The following NFILZ variants were observed in gnomAD, a reference collection of about 807,000 sequenced individuals.
The protein encoded by NFILZ is NFIL3 like basic leucine zipper.
chr19:8,667,629 C>A (rs2043068271), intron 3 of NFILZ, among the ~76,000 whole-genome samples: 1 of 152,062 alleles, frequency 6.6e-6, no homozygotes, highest in South Asian at 2.1e-4. Context: ...CTCACTGCAA[C>A]CTCCGCCTCT....
chr19:8,648,899 A>C (rs1230336826), intron 3 of NFILZ, among the ~76,000 whole-genome samples: 1 of 151,268 alleles, frequency 6.6e-6, no homozygotes, highest in East Asian at 1.9e-4. Context: ...TTGTGATTTC[A>C]GGAAGCCCCT....
intron 3 of NFILZ, among the ~76,000 whole-genome samples, chr19:8,652,219 C>A (rs1401787582): frequency 6.6e-6 from 1 of 151,940 alleles, no homozygotes; most frequent in Non-Finnish European, 1.5e-5. Flanking sequence ...TCTCCTGCCT[C>A]AGGCTCCAGA....
rs2967673 is a variant in NFILZ, at chr19:8,678,537, A to C, written c.*902A>C. On this transcript the variant is annotated 3_prime_UTR_variant, in exon 6 of 6. Transcript: ENST00000691075. Reference sequence around the variant, plus strand: ...CTATCCATTCATCCATTCATACATCAATTTATTCTCCATCCATCCATCCAT... The same window carrying C: ...CTATCCATTCATCCATTCATACATCCATTTATTCTCCATCCATCCATCCAT... Among the ~76,000 whole-genome samples, 28,701 of 143,678 alleles carry C rather than the reference A, an allele frequency of 0.2. 2,903 individuals are homozygous for C. Among genetic ancestry groups the C allele is most frequent in the Admixed American group, 0.25 (3,615 of 14,354 alleles). 94.3% of individuals were successfully genotyped at this position (143,678 alleles called of 152,430 possible). A position where few individuals can be genotyped will look rare whatever the true frequency, so the allele number is the denominator to read the frequency against.
intron 3 of NFILZ, among the ~76,000 whole-genome samples, chr19:8,666,045 C>A (rs1568423869): frequency 6.8e-6 from 1 of 146,450 alleles, no homozygotes; most frequent in African/African-American, 2.5e-5. Flanking sequence ...TTTTTCTCAC[C>A]TTTTTTTTTT....
At chr19:8,653,048 C>T (rs1480822045) in intron 3 of NFILZ, among the ~76,000 whole-genome samples, 3,652 of 84,676 alleles carry the variant, frequency 0.043, 116 homozygotes, top group East Asian at 0.054. Context: ...TTCTCTCTCT[C>T]TCTCTCTCTC....
intron 3 of NFILZ, among the ~76,000 whole-genome samples, chr19:8,654,041 C>A (rs2042980997): frequency 6.6e-6 from 1 of 152,028 alleles, no homozygotes; most frequent in East Asian, 1.9e-4. Flanking sequence ...ACCAGCCTGG[C>A]CAGCATGGTG....
chr19:8,662,344 G>C (rs781854679), intron 3 of NFILZ, among the ~76,000 whole-genome samples: 1 of 152,086 alleles, frequency 6.6e-6, no homozygotes, highest in African/African-American at 2.4e-5. Context: ...TAGGCTGGGG[G>C]TCAGGGGAGG....
At chr19:8,651,460 C>A (rs1055548970) in intron 3 of NFILZ, among the ~76,000 whole-genome samples, 5 of 152,110 alleles carry the variant, frequency 3.3e-5, no homozygotes, top group South Asian at 2.1e-4. Context: ...CTGCGCCCGA[C>A]CTTCAATAAG....
At chr19:8,667,082 C>T (rs893485309) in intron 3 of NFILZ, among the ~76,000 whole-genome samples, 1 of 152,048 alleles carries the variant, frequency 6.6e-6, no homozygotes, top group Non-Finnish European at 1.5e-5. Context: ...CTGTCCCACC[C>T]TGCCCTGTCA....
intron 3 of NFILZ, among the ~76,000 whole-genome samples, chr19:8,640,716 G>A (rs138341761): frequency 1.6e-4 from 25 of 152,302 alleles, no homozygotes; most frequent in African/African-American, 6.0e-4. Flanking sequence ...AGAATATGTT[G>A]TGGACTCTTC....
chr19:8,660,029 G>A (rs961430650), intron 3 of NFILZ, among the ~76,000 whole-genome samples: 22 of 152,096 alleles, frequency 1.4e-4, no homozygotes, highest in African/African-American at 5.1e-4. Context: ...CTACAACACC[G>A]GCCACTGCCC....
intron 3 of NFILZ, among the ~76,000 whole-genome samples, chr19:8,666,045 C>G (rs1568423869): frequency 6.8e-6 from 1 of 146,450 alleles, no homozygotes; most frequent in Non-Finnish European, 1.5e-5. Flanking sequence ...TTTTTCTCAC[C>G]TTTTTTTTTT....
intron 3 of NFILZ, among the ~76,000 whole-genome samples, chr19:8,669,572 C>T (rs1179193336): frequency 2.0e-5 from 3 of 152,142 alleles, no homozygotes; most frequent in Admixed American, 6.5e-5. Flanking sequence ...CCCTTTTGTT[C>T]CTCTGTGGAA....
intron 3 of NFILZ, among the ~76,000 whole-genome samples, 122 bp from the exon 4 acceptor site, chr19:8,674,429 A>G (rs140522396): frequency 1.3e-5 from 2 of 152,182 alleles, no homozygotes; most frequent in African/African-American, 4.8e-5. Flanking sequence ...AACCTGGCAC[A>G]GTGAATGAAT....
chr19:8,631,244 T>G (rs1403820596), intron 1 of NFILZ, among the ~76,000 whole-genome samples: 7 of 152,134 alleles, frequency 4.6e-5, no homozygotes, highest in African/African-American at 1.7e-4. Context: ...CCTCCCTCTC[T>G]GCTTTCCCTT....
chr19:8,669,355 G>C (rs1453104832), intron 3 of NFILZ, among the ~76,000 whole-genome samples: 2 of 152,194 alleles, frequency 1.3e-5, no homozygotes, highest in Non-Finnish European at 2.9e-5. Flanking sequence ...TACAACCAAT[G>C]AGGTAGGTAC....
intron 4 of NFILZ, among the ~76,000 whole-genome samples, 133 bp from the exon 5 acceptor site, chr19:8,676,226 G>C (rs964818921): frequency 6.6e-6 from 1 of 152,146 alleles, no homozygotes; most frequent in East Asian, 1.9e-4. Flanking sequence ...TGGAAGGGCA[G>C]GTAAAAAATT....
intron 3 of NFILZ, among the ~76,000 whole-genome samples, chr19:8,649,423 G>A (rs1314244863): frequency 3.3e-5 from 5 of 151,730 alleles, no homozygotes; most frequent in Admixed American, 6.6e-5. Flanking sequence ...ATGCCATCAC[G>A]CCTAGCTAAT....
In NFILZ at chr19:8,663,750, G is replaced by A. The variant is rs1325290325; in HGVS notation, c.-163-10801G>A. Among the ~76,000 whole-genome samples the A allele has an allele frequency of 9.5e-3, 1,296 of 136,404 alleles. 3 individuals carry two copies. The highest frequency in any genetic ancestry group is 0.02 in the South Asian group (85 of 4,214). 89.5% of individuals were successfully genotyped at this position (136,404 alleles called of 152,430 possible). A position where few individuals can be genotyped will look rare whatever the true frequency, so the allele number is the denominator to read the frequency against. On this transcript the variant is annotated intron_variant, in intron 3 of 5. Coordinates refer to ENST00000691075, the MANE Select transcript of NFILZ (RefSeq NM_001378600.1). ...TGTGTGTGTGTGTGTGTGTGTGTGTGTGTGTGTGTGTGTGTGTGTGTATGT... is the reference window on the plus strand; with the variant it reads ...TGTGTGTGTGTGTGTGTGTGTGTGTATGTGTGTGTGTGTGTGTGTGTATGT...
Sources: gnomAD v4.1 joint callset for allele counts (sites outside exome capture counted in the v4.1 genomes callset) on GRCh38, gnomAD v4.1.1 for gene constraint, MANE v1.5 for transcripts, NCBI Gene and HGNC (gene_info 2026-07-23, HGNC 2026-07-21) for gene names.